ANKRD28: variants seen among roughly 807,000 people sequenced by gnomAD.
ANKRD28 encodes serine/threonine-protein phosphatase 6 regulatory ankyrin repeat subunit A.
A neutral mutation model predicts 126.5 loss-of-function variants in ANKRD28; 44 were observed. The observed-to-expected ratio is 0.35, with a 90% confidence interval of 0.27 to 0.45. The LOEUF (loss-of-function observed/expected upper bound fraction) is 0.45. Ranked by LOEUF, ANKRD28 falls within the 20% of genes least tolerant of loss-of-function variation. ANKRD28 has a pLI of 1.00. For missense variants in ANKRD28, 1,110 were observed against 1,316.6 expected (o/e 0.84, Z 2.43); for synonymous variants, 442 against 468.5 (o/e 0.94, Z 0.73).
intron 8 of ANKRD28, among the ~76,000 whole-genome samples, chr3:15,716,506 A>G (rs763783471): frequency 6.7e-6 from 1 of 150,270 alleles, no homozygotes; most frequent in African/African-American, 2.5e-5. Flanking sequence ...CTGGTTTTGA[A>G]CTCTTGGGCT....
rs1250109238 is a variant in ANKRD28, at chr3:15,668,158, G to C, written c.*2112C>G. 2 of 152,184 alleles carry C rather than the reference G, an allele frequency of 1.3e-5. No homozygotes were observed. Among genetic ancestry groups the C allele is most frequent in the Non-Finnish European group, 2.9e-5 (2 of 68,038 alleles). 9.4% of individuals were successfully genotyped at this position (152,184 alleles called of 1,614,324 possible). ...ACTGAATGGACTGCTTGGTGAGGTA[G>C]AGTCACTTGGAAGTGTTCAAGGTGG... On this transcript the variant is annotated 3_prime_UTR_variant, in exon 28 of 28. Transcript: ENST00000683139.
At chr3:15,707,158 C>T (rs2071551675) in intron 14 of ANKRD28, among the ~76,000 whole-genome samples, 1 of 152,042 alleles carries the variant, frequency 6.6e-6, no homozygotes, top group South Asian at 2.1e-4. Flanking sequence ...TTACTTATTT[C>T]TGCCAATGGT....
intron 1 of ANKRD28, among the ~76,000 whole-genome samples, chr3:15,831,373 C>A (rs1041084553): frequency 1.8e-4 from 27 of 152,164 alleles, no homozygotes; most frequent in African/African-American, 5.1e-4. Flanking sequence ...ACATAACTAC[C>A]AGCCCCTTCT....
At chr3:15,683,175 G>T (rs150105065) in intron 21 of ANKRD28, among the ~76,000 whole-genome samples, 8 of 152,128 alleles carry the variant, frequency 5.3e-5, no homozygotes, top group African/African-American at 1.9e-4. Context: ...TTTTCCAATG[G>T]TTAATCTTCA....
At chr3:15,808,931 A>G (rs950174421) in intron 1 of ANKRD28, among the ~76,000 whole-genome samples, 1 of 151,780 alleles carries the variant, frequency 6.6e-6, no homozygotes, top group Admixed American at 6.6e-5. Flanking sequence ...TAATATTTTT[A>G]CCTATTTTTC....
At chr3:15,798,695 G>T (rs373564111), upstream of ANKRD28, among the ~76,000 whole-genome samples, 1 of 152,022 alleles carries the variant, frequency 6.6e-6, no homozygotes, top group South Asian at 2.1e-4. Context: ...AAAGGGCACA[G>T]GGTAATACAA....
Position 15,690,049 on chromosome 3 carries a change from T to C in ANKRD28, c.1933A>G (p.Ile645Val). The C allele has an allele frequency of 6.2e-7, 1 of 1,611,236 alleles. No homozygotes were observed. Among genetic ancestry groups the C allele is most frequent in the Non-Finnish European group, 8.5e-7 (1 of 1,178,554 alleles). ...QGASILVKDY[I>V]LKRTPIHAAA... ...GCATGAATAGGTGTCCTCTTCAAAATGTAATCTTTTACTAAGATTGAGGCT... is the reference window on the plus strand; with the variant it reads ...GCATGAATAGGTGTCCTCTTCAAAACGTAATCTTTTACTAAGATTGAGGCT... The change falls in exon 18 of 28, where the codon ATT becomes GTT. Residue 645 changes from isoleucine (I) to valine (V), a missense_variant. By Grantham distance (29) the Ile-to-Val change is conservative (BLOSUM62 3). Coordinates refer to ENST00000683139, the MANE Select transcript of ANKRD28 (RefSeq NM_001349278.2).
intron 2 of ANKRD28, among the ~76,000 whole-genome samples, chr3:15,792,157 T>A (rs1173590762): frequency 6.6e-6 from 1 of 152,142 alleles, no homozygotes; most frequent in African/African-American, 2.4e-5. Context: ...GGAGAACAGT[T>A]TGGAGGTCCC....
In ANKRD28 at chr3:15,747,784, T is replaced by A. The variant is rs565610348; in HGVS notation, c.351+3966A>T. 6.6e-5 allele frequency among the ~76,000 whole-genome samples: 10 copies of A among 152,260 alleles called. No homozygotes were observed. The East Asian group carries it at 1.9e-3, about 29-fold the overall frequency. On this transcript the variant is annotated intron_variant, in intron 4 of 27. Coordinates refer to ENST00000683139, the MANE Select transcript of ANKRD28 (RefSeq NM_001349278.2). ...GTTTTGATGATCTGTCTAGTGCTGT[T>A]AATGGAGTATTAAAGTCCCCCACTA...
At chr3:15,769,749 G>C (rs2058909613) in intron 2 of ANKRD28, among the ~76,000 whole-genome samples, 1 of 152,122 alleles carries the variant, frequency 6.6e-6, no homozygotes, top group Non-Finnish European at 1.5e-5. Context: ...AGCTGTGTTT[G>C]TTACCACAAC....
intron 1 of ANKRD28, among the ~76,000 whole-genome samples, chr3:15,858,369 T>C (rs1243254192): frequency 6.6e-6 from 1 of 152,236 alleles, no homozygotes; most frequent in African/African-American, 2.4e-5. Context: ...AGCCTAAACA[T>C]AAAATTCACT....
chr3:15,673,148 T>G (rs1031290607), intron 27 of ANKRD28, among the ~76,000 whole-genome samples: 1 of 152,358 alleles, frequency 6.6e-6, no homozygotes, highest in Admixed American at 6.5e-5. Flanking sequence ...ATCCTTTGGA[T>G]TTTGGCTTAG....
At chr3:15,716,750 A>G (rs1272840999) in intron 8 of ANKRD28, among the ~76,000 whole-genome samples, 1 of 152,242 alleles carries the variant, frequency 6.6e-6, no homozygotes, top group Non-Finnish European at 1.5e-5. Flanking sequence ...TTTGGAAGAT[A>G]TAACTATAGT....
At chr3:15,751,199 C>A (rs2057840464) in intron 4 of ANKRD28, among the ~76,000 whole-genome samples, 1 of 152,114 alleles carries the variant, frequency 6.6e-6, no homozygotes, top group Non-Finnish European at 1.5e-5. Flanking sequence ...AAATAATGAA[C>A]ATTTTCTAAA....
At chr3:15,837,025 A>G (rs576210412) in intron 1 of ANKRD28, among the ~76,000 whole-genome samples, 62 of 149,766 alleles carry the variant, frequency 4.1e-4, no homozygotes, top group Non-Finnish European at 8.3e-4. Flanking sequence ...GCCCGAACCC[A>G]GGAGGCAGAG....
chr3:15,667,289 T>G lies in ANKRD28; in HGVS notation c.*2981A>C, dbSNP rs1196873403. On this transcript the variant is annotated 3_prime_UTR_variant, in exon 28 of 28. Transcript: ENST00000683139. ...TTAAAAGGTCCAATATAAGCCAAAT[T>G]AACCCCAAAATTTACAGCTACACTT... 3 of 152,164 alleles carry G rather than the reference T, an allele frequency of 2.0e-5. No homozygotes were observed. The highest frequency in any genetic ancestry group is 7.2e-5 in the African/African-American group (3 of 41,432). 9.4% of individuals were successfully genotyped at this position (152,164 alleles called of 1,614,324 possible).
intron 3 of ANKRD28, among the ~76,000 whole-genome samples, chr3:15,754,389 T>G (rs2058045847): frequency 6.6e-6 from 1 of 152,132 alleles, no homozygotes; most frequent in African/African-American, 2.4e-5. Flanking sequence ...TTACGTTACT[T>G]AATAATGGCC....
chr3:15,740,732 TC>T (rs2075392756), intron 4 of ANKRD28, among the ~76,000 whole-genome samples: 1 of 152,164 alleles, frequency 6.6e-6, no homozygotes, highest in Non-Finnish European at 1.5e-5. Context: ...AACAGGAAAA[TC>T]AATTCTACTT....
intron 2 of ANKRD28, among the ~76,000 whole-genome samples, chr3:15,787,112 T>A (rs1437817546): frequency 6.6e-6 from 1 of 152,064 alleles, no homozygotes; most frequent in African/African-American, 2.4e-5. Context: ...TTATAAAGAA[T>A]GAGGAAAGTC....
Sources: allele counts gnomAD v4.1 joint callset (sites outside exome capture counted in the v4.1 genomes callset), GRCh38; gene constraint gnomAD v4.1.1; transcripts MANE v1.5; gene names NCBI Gene and HGNC (gene_info 2026-07-23, HGNC 2026-07-21).